The following TMEM273 variants were observed in gnomAD, a reference collection of about 807,000 sequenced individuals.
The protein encoded by TMEM273 is chromosome 10 open reading frame 128.
In TMEM273, 19 loss-of-function variants were observed where a neutral mutation model predicts 17.9. The ratio of observed to expected loss-of-function variants is 1.06; its 90% CI spans 0.74 to 1.55. The LOEUF (loss-of-function observed/expected upper bound fraction) is 1.55, where lower values mean the gene tolerates loss of function less well. TMEM273 is among the 40% of genes most tolerant of loss of function. TMEM273 has a pLI of 0.00. For missense variants in TMEM273, 194 were observed against 155.6 expected (o/e 1.25, Z -1.31); for synonymous variants, 66 against 62.0 (o/e 1.07, Z -0.31).
intron 4 of TMEM273, 96 bp from the exon 5 acceptor site, chr10:49,165,379 G>A (rs1846107742): frequency 6.5e-6 from 10 of 1,537,640 alleles, no homozygotes; most frequent in Non-Finnish European, 7.9e-6. Flanking sequence ...GAAGAGCAGG[G>A]TACCTTGATG....
chr10:49,168,045 C>T (rs76233686), intron 1 of TMEM273, 83 bp from the exon 2 acceptor site: 2 of 1,557,066 alleles, frequency 1.3e-6, no homozygotes, highest in African/African-American at 1.4e-5. Context: ...CCTGGGAAAG[C>T]CTACCCCATG....
At chr10:49,166,456 C>T (rs1846191184) in intron 3 of TMEM273, 1 of 259,456 alleles carries the variant, frequency 3.9e-6, no homozygotes, top group South Asian at 4.5e-5. Flanking sequence ...TCGCTGCCTA[C>T]TGGGACTGGG....
At position 49,155,872 on chromosome 10, in the gene TMEM273, C is replaced by G. The variant is rs375626071; in HGVS notation, c.*20G>C. On this transcript the variant is annotated 3_prime_UTR_variant, in exon 7 of 7. Transcript: ENST00000374153. ...TCCACGGGGCTAGAACCCCTCTTCA[C>G]GTCACTGCTCACCTACAGCTCAATC... 1 of 1,614,188 alleles carries G rather than the reference C, an allele frequency of 6.2e-7. No homozygotes were observed. The highest frequency in any genetic ancestry group is 8.5e-7 in the Non-Finnish European group (1 of 1,180,038).
chr10:49,165,620 A>G, intron 4 of TMEM273, 146 bp downstream of exon 4: 4 of 1,285,634 alleles, frequency 3.1e-6, no homozygotes, highest in Non-Finnish European at 4.3e-6. Flanking sequence ...GAGAGAGTGT[A>G]AGGAGGGGAC....
chr10:49,156,275 T>G, intron 6 of TMEM273: 1 of 1,329,280 alleles, frequency 7.5e-7, no homozygotes, highest in African/African-American at 1.5e-5. Context: ...AGGAACAAGA[T>G]AGATAGACCT....
chr10:49,173,579 C>G (rs1473105434), intron 1 of TMEM273, among the ~76,000 whole-genome samples: 1 of 152,212 alleles, frequency 6.6e-6, no homozygotes. Context: ...TCACTCCTTC[C>G]ATGTGTCACA....
chr10:49,164,308 C>T (rs78270327), intron 5 of TMEM273, among the ~76,000 whole-genome samples: 1,906 of 152,256 alleles, frequency 0.013, 27 homozygotes, highest in African/African-American at 0.035. Context: ...ATCCCAGGTC[C>T]CTGGGCCAGC....
chr10:49,162,140 C>T (rs116025220), intron 5 of TMEM273, among the ~76,000 whole-genome samples: 2 of 152,244 alleles, frequency 1.3e-5, no homozygotes, highest in African/African-American at 2.4e-5. Flanking sequence ...ATAACAGAGA[C>T]GCTCCTCTTA....
intron 1 of TMEM273, among the ~76,000 whole-genome samples, chr10:49,178,775 A>G (rs1450422463): frequency 6.6e-6 from 1 of 152,146 alleles, no homozygotes; most frequent in Non-Finnish European, 1.5e-5. Flanking sequence ...AGTATTTAAC[A>G]CACTGCATTG....
intron 5 of TMEM273, 76 bp downstream of exon 5, chr10:49,165,129 G>T: frequency 6.8e-7 from 1 of 1,473,392 alleles, no homozygotes; most frequent in Admixed American, 2.6e-5. Context: ...GCATCAACTA[G>T]TGCAAAGAAT....
chr10:49,156,079 G>C, intron 6 of TMEM273, 170 bp from the exon 7 acceptor site: 2 of 1,543,556 alleles, frequency 1.3e-6, no homozygotes, highest in Middle Eastern at 1.7e-4. Context: ...AAGGCCAGTG[G>C]CTTCTGGGTA....
intron 1 of TMEM273, among the ~76,000 whole-genome samples, chr10:49,180,002 C>T (rs75219119): frequency 0.049 from 7,442 of 152,252 alleles, 260 homozygotes; most frequent in African/African-American, 0.064. Context: ...CACTCCCCAA[C>T]GAGGGTGGTG....
intron 6 of TMEM273, among the ~76,000 whole-genome samples, chr10:49,158,960 C>G (rs986916503): frequency 2.0e-5 from 3 of 151,964 alleles, no homozygotes; most frequent in Non-Finnish European, 4.4e-5. Context: ...AAAAGTGTGT[C>G]TATATAAAAG....
intron 1 of TMEM273, among the ~76,000 whole-genome samples, chr10:49,177,575 A>C (rs906151123): frequency 6.6e-6 from 1 of 152,190 alleles, no homozygotes; most frequent in Non-Finnish European, 1.5e-5. Context: ...AAGTGACGTG[A>C]CCTCTTCAGG....
intron 5 of TMEM273, 88 bp from the exon 6 acceptor site, chr10:49,161,710 T>C (rs1845854114): frequency 6.5e-7 from 1 of 1,535,322 alleles, no homozygotes; most frequent in South Asian, 1.1e-5. Flanking sequence ...AGTGGCTTGC[T>C]TGTCATTAGC....
chr10:49,181,008 G>C (rs1463306521), intron 1 of TMEM273, among the ~76,000 whole-genome samples: 1 of 152,168 alleles, frequency 6.6e-6, no homozygotes, highest in Non-Finnish European at 1.5e-5. Flanking sequence ...AGTCAACATA[G>C]AAAATCTCGA....
intron 5 of TMEM273, among the ~76,000 whole-genome samples, chr10:49,163,583 C>A (rs1369056141): frequency 6.6e-6 from 1 of 152,190 alleles, no homozygotes; most frequent in South Asian, 2.1e-4. Flanking sequence ...TACAGAGCCT[C>A]TTCTCACTCT....
rs1845472394 is a variant in TMEM273, at chr10:49,155,804, G to A, written c.*88C>T. On this transcript the variant is annotated 3_prime_UTR_variant, in exon 7 of 7. Coordinates refer to ENST00000374153, the MANE Select transcript of TMEM273 (RefSeq NM_001288740.3). ...TGAAAGTTCATTACCAGCCTTGGGTGTTTGAATGCAGAACATCCTGAGATG... is the reference window on the plus strand; with the variant it reads ...TGAAAGTTCATTACCAGCCTTGGGTATTTGAATGCAGAACATCCTGAGATG... 1 of 1,602,268 alleles carries A rather than the reference G, an allele frequency of 6.2e-7. No individual in the cohort carries two copies. Among genetic ancestry groups the A allele is most frequent in the African/African-American group, 1.3e-5 (1 of 74,850 alleles).
intron 3 of TMEM273, among the ~76,000 whole-genome samples, 171 bp from the exon 4 acceptor site, chr10:49,165,967 G>A (rs1045501399): frequency 3.3e-5 from 5 of 152,110 alleles, no homozygotes; most frequent in African/African-American, 1.2e-4. Flanking sequence ...CTTATTTGTG[G>A]GGATACACAA....
Sources: allele counts gnomAD v4.1 joint callset (sites outside exome capture counted in the v4.1 genomes callset), GRCh38; gene constraint gnomAD v4.1.1; transcripts MANE v1.5; gene names NCBI Gene and HGNC (gene_info 2026-07-23, HGNC 2026-07-21).